LCORL: variants seen among roughly 807,000 people sequenced by gnomAD.
The protein encoded by LCORL is ligand dependent nuclear receptor corepressor like, also known as ligand-dependent nuclear receptor corepressor-like protein.
LCORL carries 41 observed loss-of-function variants against 141.8 expected under a neutral mutation model. That is an observed-to-expected ratio of 0.29 (90% CI 0.23 to 0.38). LCORL has a LOEUF of 0.38. Ranked by LOEUF, LCORL falls within the 10% of genes least tolerant of loss-of-function variation. The pLI is 1.00. For missense variants in LCORL, 1,759 were observed against 2,035.0 expected (o/e 0.86, Z 2.61); for synonymous variants, 618 against 694.1 (o/e 0.89, Z 1.72).
intron 1 of LCORL, among the ~76,000 whole-genome samples, chr4:17,973,444 C>T (rs183100868): frequency 2.7e-3 from 403 of 151,832 alleles, no homozygotes; most frequent in Non-Finnish European, 4.1e-3. Context: ...GAAAATCTTA[C>T]CAAGTTAACA....
chr4:17,872,726 C>T (rs1726495434), intron 7 of LCORL, among the ~76,000 whole-genome samples: 1 of 152,086 alleles, frequency 6.6e-6, no homozygotes, highest in Non-Finnish European at 1.5e-5. Context: ...GAAAAAGAAT[C>T]CTCATCTTTA....
chr4:17,893,569 C>T (rs1729432054), intron 5 of LCORL: 2 of 985,026 alleles, frequency 2.0e-6, no homozygotes, highest in African/African-American at 3.5e-5. Flanking sequence ...AACACAGGAG[C>T]ACCTGCAGAT....
intron 4 of LCORL, among the ~76,000 whole-genome samples, chr4:17,936,839 T>C (rs1736949562): frequency 6.6e-6 from 1 of 152,126 alleles, no homozygotes; most frequent in Non-Finnish European, 1.5e-5. Context: ...ATCATTTCAG[T>C]TTCCCCCAAC....
chr4:17,867,324 G>A (rs1391510102), intron 7 of LCORL, among the ~76,000 whole-genome samples: 1 of 151,984 alleles, frequency 6.6e-6, no homozygotes, highest in African/African-American at 2.4e-5. Flanking sequence ...AACAGAGTCG[G>A]CAAACTTTTC....
chr4:17,999,935 T>C (rs1189956113), intron 1 of LCORL, among the ~76,000 whole-genome samples: 1 of 152,210 alleles, frequency 6.6e-6, no homozygotes, highest in Non-Finnish European at 1.5e-5. Context: ...AAAAACAATG[T>C]TCATAAATAC....
chr4:17,957,923 A>C (rs1168561773), intron 4 of LCORL, among the ~76,000 whole-genome samples: 1 of 152,030 alleles, frequency 6.6e-6, no homozygotes, highest in Non-Finnish European at 1.5e-5. Context: ...AAATTTACAT[A>C]GTCAATCAAG....
At chr4:17,845,771 G>C (rs1267965223) in exon 8 of LCORL, 1 of 1,613,558 alleles carries the variant, frequency 6.2e-7, no homozygotes, top group African/African-American at 1.3e-5. Flanking sequence ...CAGCTCGTTA[G>C]AGATGCTGTT....
At chr4:17,981,601 G>A (rs953409274) in intron 1 of LCORL, among the ~76,000 whole-genome samples, 3 of 151,944 alleles carry the variant, frequency 2.0e-5, no homozygotes, top group Non-Finnish European at 4.4e-5. Flanking sequence ...AGCTGGGGGT[G>A]GTGGCATGCA....
At chr4:17,868,153 T>C (rs988173108) in intron 7 of LCORL, among the ~76,000 whole-genome samples, 4 of 152,178 alleles carry the variant, frequency 2.6e-5, no homozygotes, top group African/African-American at 9.6e-5. Flanking sequence ...CAGAGGAGTA[T>C]GTATGGTTAG....
chr4:17,944,626 C>T (rs1270378059), intron 4 of LCORL, among the ~76,000 whole-genome samples: 2 of 152,068 alleles, frequency 1.3e-5, no homozygotes, highest in African/African-American at 4.8e-5. Context: ...TCTTTATTTT[C>T]CTAGCCCCAG....
intron 1 of LCORL, among the ~76,000 whole-genome samples, chr4:17,985,466 A>G (rs899125323): frequency 5.9e-5 from 9 of 152,146 alleles, no homozygotes; most frequent in African/African-American, 1.7e-4. Flanking sequence ...GGGTGCATAT[A>G]TATCTAGAAT....
chr4:17,909,116 C>T, exon 5 of LCORL: 1 of 1,598,448 alleles, frequency 6.3e-7, no homozygotes. Context: ...TTTGTTCTTG[C>T]ATTCGATTCA....
intron 4 of LCORL, among the ~76,000 whole-genome samples, chr4:17,938,826 T>C (rs1377535326): frequency 6.6e-6 from 1 of 152,110 alleles, no homozygotes; most frequent in African/African-American, 2.4e-5. Flanking sequence ...TGTTTCAGAG[T>C]TCCCCTTTCT....
At chr4:17,935,021 G>A (rs911617355) in intron 4 of LCORL, among the ~76,000 whole-genome samples, 2 of 152,084 alleles carry the variant, frequency 1.3e-5, no homozygotes, top group African/African-American at 4.8e-5. Context: ...TAGTTTCATA[G>A]AGAACAAATG....
intron 5 of LCORL, among the ~76,000 whole-genome samples, chr4:17,888,864 T>C (rs1189126407): frequency 6.6e-6 from 1 of 152,170 alleles, no homozygotes; most frequent in Non-Finnish European, 1.5e-5. Context: ...TTCAAGTTTA[T>C]AACTTTATTC....
At chr4:17,873,129 A>G (rs185533711) in intron 7 of LCORL, among the ~76,000 whole-genome samples, 1 of 152,222 alleles carries the variant, frequency 6.6e-6, no homozygotes, top group Admixed American at 6.5e-5. Flanking sequence ...AAAATAATAT[A>G]TTTTAAAGAT....
chr4:17,890,258 G>A (rs1728887714), intron 5 of LCORL, among the ~76,000 whole-genome samples: 1 of 152,052 alleles, frequency 6.6e-6, no homozygotes, highest in African/African-American at 2.4e-5. Flanking sequence ...GTGTTGCTGT[G>A]ATTTTTAATT....
chr4:17,927,047 T>G (rs555494303), intron 4 of LCORL, among the ~76,000 whole-genome samples: 1 of 152,248 alleles, frequency 6.6e-6, no homozygotes, highest in African/African-American at 2.4e-5. Flanking sequence ...ATTAATACAT[T>G]GAAAATTTCT....
At chr4:17,911,885 T>A (rs1732607897) in intron 4 of LCORL, 1 of 483,674 alleles carries the variant, frequency 2.1e-6, no homozygotes, top group Non-Finnish European at 4.0e-6. Flanking sequence ...GCCGGGGGTC[T>A]GGCAGGAAAG....
Sources: allele counts gnomAD v4.1 joint callset (sites outside exome capture counted in the v4.1 genomes callset), GRCh38; gene constraint gnomAD v4.1.1; transcripts MANE v1.5; gene names NCBI Gene and HGNC (gene_info 2026-07-23, HGNC 2026-07-21).